MAMLD1: variants seen among roughly 807,000 people sequenced by gnomAD.
MAMLD1 encodes the protein mastermind-like domain-containing protein 1.
Under a neutral mutation model 45.0 loss-of-function variants are expected in MAMLD1, and 14 were observed. That is an observed-to-expected ratio of 0.31 (90% CI 0.21 to 0.49). MAMLD1 has a LOEUF of 0.49. MAMLD1 is among the 20% of genes least tolerant of loss of function. The pLI, the probability that MAMLD1 is intolerant of heterozygous loss-of-function variation, is 0.99. For synonymous variants in MAMLD1, 254 were observed against 247.8 expected (o/e 1.02, Z -0.24); for missense variants, 543 against 603.6 (o/e 0.90, Z 1.05).
intron 1 of MAMLD1, among the ~76,000 whole-genome samples, chrX:150,435,901 G>A (rs1243777745): frequency 3.6e-5 from 4 of 112,434 alleles, no homozygotes; most frequent in Non-Finnish European, 5.6e-5. Flanking sequence ...CTCTTGTAAG[G>A]CAAGTCTGCT....
intron 1 of MAMLD1, among the ~76,000 whole-genome samples, chrX:150,367,131 A>G (rs1187989494): frequency 9.1e-6 from 1 of 109,465 alleles, no homozygotes; most frequent in African/African-American, 3.3e-5. Flanking sequence ...AGGAAATTCC[A>G]TGTTAGGAAA....
intron 1 of MAMLD1, among the ~76,000 whole-genome samples, chrX:150,402,587 A>G (rs1309822271): frequency 8.9e-6 from 1 of 112,172 alleles, no homozygotes; most frequent in Non-Finnish European, 1.9e-5. Context: ...TACCCAAAGG[A>G]CTATAAATCA....
chrX:150,446,130 G>C lies in MAMLD1; in HGVS notation c.96+518G>C, dbSNP rs192364360. ...CATCATCCAAGTGTTCTGAACCTCA[G>C]GATTAGGGATTCCAGTGGTAGTTCT... On this transcript the variant is annotated intron_variant, in intron 2 of 7. Transcript: ENST00000370401. Among the ~76,000 whole-genome samples, 29 of 111,786 alleles carry C rather than the reference G, an allele frequency of 2.6e-4. No individual in the cohort carries two copies. In the East Asian group the frequency reaches 7.9e-3, roughly 30 times the overall value.
intron 1 of MAMLD1, among the ~76,000 whole-genome samples, chrX:150,438,501 G>C (rs1443521795): frequency 8.9e-6 from 1 of 112,212 alleles, no homozygotes; most frequent in Non-Finnish European, 1.9e-5. Flanking sequence ...TCATTCGGCA[G>C]TTAGTCCTCA....
At chrX:150,500,759 C>T (rs1439570185) in intron 5 of MAMLD1, among the ~76,000 whole-genome samples, 3 of 110,038 alleles carry the variant, frequency 2.7e-5, no homozygotes, top group Non-Finnish European at 3.8e-5. Context: ...AACAACCTTT[C>T]CTGTGGAGGT....
chrX:150,450,864 C>T lies in MAMLD1; in HGVS notation c.96+5252C>T, dbSNP rs149975371. Among the ~76,000 whole-genome samples the T allele has an allele frequency of 3.1e-4, 35 of 112,702 alleles. No individual in the cohort carries two copies. In the East Asian group the frequency reaches 5.6e-3, roughly 18 times the overall value. On this transcript the variant is annotated intron_variant, in intron 2 of 7. Coordinates refer to ENST00000370401, the MANE Select transcript of MAMLD1 (RefSeq NM_005491.5). ...TGGGTCAAGGGCTGCAGTGTGTATG[C>T]GCCTTTCTACTTTGGGGATCCTCCC...
chrX:150,425,961 A>G (rs2124563202), intron 1 of MAMLD1, among the ~76,000 whole-genome samples: 1 of 111,882 alleles, frequency 8.9e-6, no homozygotes, highest in South Asian at 3.7e-4. Context: ...CATTTTACCT[A>G]TGAGGAAACT....
At chrX:150,394,370 G>A (rs1444751427) in intron 1 of MAMLD1, among the ~76,000 whole-genome samples, 1 of 109,551 alleles carries the variant, frequency 9.1e-6, no homozygotes, top group African/African-American at 3.3e-5. Flanking sequence ...TTGAGGTCAG[G>A]TAGTGTCAGT....
intron 5 of MAMLD1, among the ~76,000 whole-genome samples, chrX:150,487,880 CAGGTCCTGG>C (rs2037045915): frequency 8.9e-6 from 1 of 112,862 alleles, no homozygotes; most frequent in Non-Finnish European, 1.9e-5. Context: ...TTTCACAACA[CAGGTCCTGG>C]ATCACTGTAA....
At chrX:150,453,834 C>G (rs2035751273) in intron 2 of MAMLD1, among the ~76,000 whole-genome samples, 1 of 112,410 alleles carries the variant, frequency 8.9e-6, no homozygotes, top group Admixed American at 9.4e-5. Flanking sequence ...CTGGGATGCT[C>G]TGCCCCCAGT....
intron 2 of MAMLD1, among the ~76,000 whole-genome samples, chrX:150,449,407 C>T (rs961132226): frequency 9.9e-5 from 11 of 111,349 alleles, no homozygotes; most frequent in Non-Finnish European, 1.3e-4. Context: ...TGGATGGCTG[C>T]AAAAATACTG....
intron 1 of MAMLD1, among the ~76,000 whole-genome samples, chrX:150,367,632 A>C (rs1379676837): frequency 8.9e-6 from 1 of 111,816 alleles, no homozygotes; most frequent in Non-Finnish European, 1.9e-5. Flanking sequence ...ATATGTATAC[A>C]TGTGCCATGT....
At chrX:150,413,287 C>T (rs2124537594) in intron 1 of MAMLD1, among the ~76,000 whole-genome samples, 1 of 111,294 alleles carries the variant, frequency 9.0e-6, no homozygotes, top group African/African-American at 3.3e-5. Context: ...GAATCCTTCC[C>T]TTCTGTGTAA....
At chrX:150,424,354 A>C (rs2034632558) in intron 1 of MAMLD1, among the ~76,000 whole-genome samples, 1 of 112,162 alleles carries the variant, frequency 8.9e-6, no homozygotes, top group African/African-American at 3.2e-5. Flanking sequence ...TTTTAACCTC[A>C]ATGGCATGAA....
intron 1 of MAMLD1, among the ~76,000 whole-genome samples, chrX:150,409,476 AC>A (rs2034073705): frequency 9.0e-6 from 1 of 110,736 alleles, no homozygotes. Flanking sequence ...TCAACCCCTC[AC>A]CCCAGATAAG....
intron 1 of MAMLD1, among the ~76,000 whole-genome samples, chrX:150,398,349 G>GAAGAAGAA (rs2033601167): frequency 2.3e-5 from 2 of 87,304 alleles, no homozygotes; most frequent in African/African-American, 9.9e-5. Flanking sequence ...AAGAGGAAGA[G>GAAGAAGAA]GAAGAGGAAG....
chrX:150,431,398 GT>G (rs58560950), intron 1 of MAMLD1, among the ~76,000 whole-genome samples: 9 of 103,226 alleles, frequency 8.7e-5, no homozygotes, highest in African/African-American at 3.2e-4. Context: ...CTTCTTCCTT[GT>G]TTTTTTTTTT....
At chrX:150,454,093 C>T (rs2035762023) in intron 2 of MAMLD1, among the ~76,000 whole-genome samples, 1 of 111,981 alleles carries the variant, frequency 8.9e-6, no homozygotes, top group African/African-American at 3.2e-5. Context: ...GACTTCATCT[C>T]TATAGTGGAG....
intron 2 of MAMLD1, among the ~76,000 whole-genome samples, chrX:150,448,181 G>A (rs1350546248): frequency 3.6e-5 from 4 of 111,798 alleles, no homozygotes; most frequent in Admixed American, 9.5e-5. Context: ...TAGCTATGGG[G>A]CTTTGTCTAT....
Sources: gnomAD v4.1 joint callset for allele counts (sites outside exome capture counted in the v4.1 genomes callset) on GRCh38, gnomAD v4.1.1 for gene constraint, MANE v1.5 for transcripts, NCBI Gene and HGNC (gene_info 2026-07-23, HGNC 2026-07-21) for gene names.